The following MIR2052HG variants were observed in gnomAD, a reference collection of about 807,000 sequenced individuals.
MIR2052HG encodes MIR2052 host gene.
chr8:74,697,740 T>TAAAAAC (rs149934451), intron 2 of MIR2052HG, among the ~76,000 whole-genome samples: 6,424 of 150,728 alleles, frequency 0.043, 455 homozygotes, highest in African/African-American at 0.15. Flanking sequence ...CTGCAGAAAA[T>TAAAAAC]AAAAACAAAA....
chr8:74,746,358 TA>T (rs1354603475), intron 4 of MIR2052HG, among the ~76,000 whole-genome samples: 3 of 152,158 alleles, frequency 2.0e-5, no homozygotes, highest in Admixed American at 2.0e-4. Context: ...CTACATTGAT[TA>T]AACATCTCAT....
chr8:74,681,996 A>T (rs903339743), intron 2 of MIR2052HG, among the ~76,000 whole-genome samples: 1 of 152,122 alleles, frequency 6.6e-6, no homozygotes, highest in African/African-American at 2.4e-5. Context: ...ATGTAGGGGG[A>T]TTGACTATAC....
chr8:74,637,501 G>C (rs531907202), intron 2 of MIR2052HG, among the ~76,000 whole-genome samples: 2 of 152,016 alleles, frequency 1.3e-5, no homozygotes, highest in Non-Finnish European at 2.9e-5. Context: ...TTTATCTTCA[G>C]AAAAACACAG....
At chr8:74,706,187 G>T (rs1355041162) in intron 4 of MIR2052HG, among the ~76,000 whole-genome samples, 1 of 152,100 alleles carries the variant, frequency 6.6e-6, no homozygotes, top group Non-Finnish European at 1.5e-5. Flanking sequence ...AAGGAAATAT[G>T]AAATTGCAGA....
chr8:74,736,988 C>T (rs1489640132), intron 4 of MIR2052HG, among the ~76,000 whole-genome samples: 1 of 152,158 alleles, frequency 6.6e-6, no homozygotes, highest in Non-Finnish European at 1.5e-5. Flanking sequence ...GAAAGGAAAA[C>T]CCTGACTTTC....
chr8:74,674,136 T>TTGTG lies in MIR2052HG; in HGVS notation n.217-28215_217-28212dup, dbSNP rs60255659. 1.9e-3 allele frequency among the ~76,000 whole-genome samples: 283 copies of TTGTG among 145,428 alleles called. 1 individual carries two copies. Among genetic ancestry groups the TTGTG allele is most frequent in the South Asian group, 3.5e-3 (16 of 4,560 alleles). On this transcript the variant is annotated intron_variant and non_coding_transcript_variant, in intron 2 of 6. Transcript: ENST00000523442. ...TGTAGACCGGTTATACCAGAGGTTT[T>TTGTG]TGTGTGTGTGTGTGTGTGTGTGTGT...
At chr8:74,608,235 TATAGGGAGTG>T (rs1432199064) in intron 1 of MIR2052HG, among the ~76,000 whole-genome samples, 63 of 150,942 alleles carry the variant, frequency 4.2e-4, no homozygotes, top group African/African-American at 1.4e-3. Flanking sequence ...GAACTTGCCC[TATAGGGAGTG>T]TCTGGGGAAG....
At chr8:74,731,518 G>T (rs13262143) in intron 4 of MIR2052HG, among the ~76,000 whole-genome samples, 1 of 152,068 alleles carries the variant, frequency 6.6e-6, no homozygotes, top group East Asian at 1.9e-4. Flanking sequence ...AGTGAAGGGG[G>T]TGCAGAGTGG....
chr8:74,636,192 G>A (rs1808579446), intron 2 of MIR2052HG, among the ~76,000 whole-genome samples: 1 of 152,100 alleles, frequency 6.6e-6, no homozygotes, highest in Non-Finnish European at 1.5e-5. Flanking sequence ...CTTCTAGAGG[G>A]GGATCCAGAA....
intron 4 of MIR2052HG, among the ~76,000 whole-genome samples, chr8:74,742,426 C>CT (rs2128755845): frequency 6.6e-6 from 1 of 152,216 alleles, no homozygotes; most frequent in African/African-American, 2.4e-5. Context: ...AGGTTATCTA[C>CT]TTTTTTGTTC....
At chr8:74,703,039 T>C (rs980248559) in intron 3 of MIR2052HG, among the ~76,000 whole-genome samples, 3 of 151,960 alleles carry the variant, frequency 2.0e-5, no homozygotes, top group Admixed American at 6.6e-5. Context: ...GAAAATGAGT[T>C]CCCTAATGTC....
chr8:74,661,417 G>T (rs1586906539), intron 2 of MIR2052HG, among the ~76,000 whole-genome samples: 1 of 152,124 alleles, frequency 6.6e-6, no homozygotes, highest in East Asian at 1.9e-4. Context: ...TGGCCAGGCT[G>T]GTCTTGAACT....
At chr8:74,697,373 A>G (rs999037542) in intron 2 of MIR2052HG, among the ~76,000 whole-genome samples, 1 of 152,138 alleles carries the variant, frequency 6.6e-6, no homozygotes, top group African/African-American at 2.4e-5. Flanking sequence ...CCAACATTAT[A>G]TTGAACGGGG....
chr8:74,669,085 C>A (rs907362700), intron 2 of MIR2052HG, among the ~76,000 whole-genome samples: 2 of 152,162 alleles, frequency 1.3e-5, no homozygotes, highest in African/African-American at 4.8e-5. Flanking sequence ...TTTCAAAATT[C>A]AAACTTTTAA....
rs1277865767 is a variant in MIR2052HG at position 74,637,277 on chromosome 8, T to TA, written n.216+24338dup. Among the ~76,000 whole-genome samples, 22 of 152,204 alleles carry TA rather than the reference T, an allele frequency of 1.4e-4. 1 individual carries two copies. The highest frequency in any genetic ancestry group is 4.8e-4 in the African/African-American group (20 of 41,550). On this transcript the variant is annotated intron_variant and non_coding_transcript_variant, in intron 2 of 6. Coordinates refer to ENST00000523442, the Ensembl canonical transcript of MIR2052HG. Reference sequence around the variant, plus strand: ...ACCCAAGTGGCTGGGACTTAGGGTGTACATGGAAAAGAGGTTGGAGATAGG... The same window carrying TA: ...ACCCAAGTGGCTGGGACTTAGGGTGTAACATGGAAAAGAGGTTGGAGATAGG...
chr8:74,679,694 TTTG>T (rs888721406), intron 2 of MIR2052HG, among the ~76,000 whole-genome samples: 4 of 151,632 alleles, frequency 2.6e-5, no homozygotes, highest in Non-Finnish European at 5.9e-5. Context: ...GGCTAAATTT[TTTG>T]TTTTGTTTTG....
chr8:74,731,822 A>T (rs1394379185), intron 4 of MIR2052HG, among the ~76,000 whole-genome samples: 1 of 152,134 alleles, frequency 6.6e-6, no homozygotes, highest in Non-Finnish European at 1.5e-5. Flanking sequence ...TTGTCACTGT[A>T]ACTCTGGGCA....
intron 5 of MIR2052HG, among the ~76,000 whole-genome samples, chr8:74,755,533 G>C (rs1359499875): frequency 1.3e-5 from 2 of 152,198 alleles, no homozygotes; most frequent in Non-Finnish European, 2.9e-5. Flanking sequence ...CAGTGACATT[G>C]CAGATTTTCT....
At chr8:74,647,025 G>T (rs930803211) in intron 2 of MIR2052HG, among the ~76,000 whole-genome samples, 7 of 152,070 alleles carry the variant, frequency 4.6e-5, no homozygotes, top group African/African-American at 1.4e-4. Flanking sequence ...CCAGCTATTT[G>T]GGCCAGTACC....
Sources: allele counts gnomAD v4.1 joint callset (sites outside exome capture counted in the v4.1 genomes callset), GRCh38; gene constraint gnomAD v4.1.1; transcripts MANE v1.5; gene names NCBI Gene and HGNC (gene_info 2026-07-23, HGNC 2026-07-21).